Variants in SYTL3 observed in about 807,000 individuals in gnomAD.
The protein encoded by SYTL3 is synaptotagmin-like protein 3.
Under a neutral mutation model 82.1 loss-of-function variants are expected in SYTL3, and 88 were observed. The ratio of observed to expected loss-of-function variants is 1.07; its 90% CI spans 0.90 to 1.28. The LOEUF (loss-of-function observed/expected upper bound fraction) is 1.28. Ranked by LOEUF, SYTL3 falls within the 50% of genes most tolerant of loss-of-function variation. The probability of loss-of-function intolerance (pLI) is 0.00; values close to 1 mark genes in which losing one functional copy is unlikely to be tolerated. For synonymous variants in SYTL3, 311 were observed against 289.4 expected, an observed-to-expected ratio of 1.07 and a Z score of -0.76; for missense variants, 831 against 757.6, an observed-to-expected ratio of 1.10 and a Z score of -1.14.
intron 10 of SYTL3, among the ~76,000 whole-genome samples, chr6:158,722,059 C>T (rs78204406): frequency 0.021 from 3,251 of 152,286 alleles, 111 homozygotes; most frequent in African/African-American, 0.074. Flanking sequence ...TTATAGAACA[C>T]GGTGGCCCTG....
intron 5 of SYTL3, among the ~76,000 whole-genome samples, chr6:158,668,096 G>A (rs1359921516): frequency 6.6e-6 from 1 of 152,168 alleles, no homozygotes; most frequent in Non-Finnish European, 1.5e-5. Context: ...GACACAAGAT[G>A]GTTTGTCCAT....
intron 2 of SYTL3, among the ~76,000 whole-genome samples, chr6:158,656,059 T>G (rs1157843290): frequency 2.0e-5 from 3 of 152,182 alleles, no homozygotes; most frequent in Non-Finnish European, 4.4e-5. Context: ...AGGTCACGAC[T>G]GGGATGCCTG....
chr6:158,683,119 A>C (rs913815141), intron 6 of SYTL3, 130 bp downstream of exon 6: 1 of 625,118 alleles, frequency 1.6e-6, no homozygotes, highest in African/African-American at 1.9e-5. Flanking sequence ...TTGCCATTCC[A>C]TTTGCTGATG....
At chr6:158,754,785 A>G (rs1788856363) in intron 13 of SYTL3, among the ~76,000 whole-genome samples, 1 of 152,230 alleles carries the variant, frequency 6.6e-6, no homozygotes, top group Non-Finnish European at 1.5e-5. Context: ...CTATTGACAG[A>G]AAGGGGCGAG....
intron 13 of SYTL3, among the ~76,000 whole-genome samples, chr6:158,752,687 G>T (rs542216192): frequency 7.9e-5 from 12 of 152,332 alleles, no homozygotes; most frequent in East Asian, 3.9e-4. Flanking sequence ...CAGGGTGAGG[G>T]GGGTAGCCCA....
In SYTL3 at chr6:158,707,223, C is replaced by T; in HGVS notation, c.395-7C>T. On this transcript the variant is annotated splice_region_variant and splice_polypyrimidine_tract_variant and intron_variant, in intron 6 of 17. Coordinates refer to ENST00000611299, the MANE Select transcript of SYTL3 (RefSeq NM_001242394.2). Reference sequence around the variant, plus strand: ...TAATAAACGCCCTCTATGGATATCTCTCGCAGGCAAACATGAGACAGTTGG... The same window carrying T: ...TAATAAACGCCCTCTATGGATATCTTTCGCAGGCAAACATGAGACAGTTGG... The T allele has an allele frequency of 6.2e-7, 1 of 1,613,756 alleles. No homozygotes were observed. The highest frequency in any genetic ancestry group is 1.7e-4 in the Middle Eastern group (1 of 5,980).
In SYTL3 at chr6:158,682,959, G is replaced by A. The variant is rs751624549; in HGVS notation, c.364G>A (p.Glu122Lys). 1 of 1,613,554 alleles carries A rather than the reference G, an allele frequency of 6.2e-7. No individual in the cohort carries two copies. Among genetic ancestry groups the A allele is most frequent in the Non-Finnish European group, 8.5e-7 (1 of 1,179,562 alleles). The change falls in exon 6 of 18, where the codon GAG (glutamate) becomes AAG (lysine). Residue 122 changes from glutamate to lysine, a missense_variant. By Grantham distance (56) the Glu-to-Lys change is moderately conservative. Coordinates refer to ENST00000611299, the MANE Select transcript of SYTL3 (RefSeq NM_001242394.2). ...AATAAAAACTGGAGAATGGTTCTAT[G>A]AGGAACGAGCCAAGAAATTTCCAAC... ...VKIKTGEWFY[E>K]ERAKKFPTGG...
chr6:158,666,964 T>C (rs951435408), intron 5 of SYTL3, among the ~76,000 whole-genome samples: 2 of 152,264 alleles, frequency 1.3e-5, no homozygotes, highest in African/African-American at 4.8e-5. Context: ...GAAGCCATTG[T>C]CCTTCAGGCT....
chr6:158,725,463 A>T, intron 10 of SYTL3, 40 bp from the exon 11 acceptor site: 1 of 1,606,756 alleles, frequency 6.2e-7, no homozygotes, highest in Non-Finnish European at 8.5e-7. Context: ...CCAAACTGGG[A>T]TGGAGACTAT....
chr6:158,706,723 C>G (rs527743710), intron 6 of SYTL3, among the ~76,000 whole-genome samples: 7 of 152,178 alleles, frequency 4.6e-5, no homozygotes, highest in Non-Finnish European at 8.8e-5. Context: ...AAAAAGAGTA[C>G]TATATCAGAT....
At position 158,677,439 on chromosome 6, in the gene SYTL3, T is replaced by C. The variant is rs531621908; in HGVS notation, c.330-5486T>C. ...CGGGGAGGGATAGCATTAGGAGATA[T>C]ACCTAATGCTAAATGACAAGTTAAT... On this transcript the variant is annotated intron_variant, in intron 5 of 17. Coordinates refer to ENST00000611299, the MANE Select transcript of SYTL3 (RefSeq NM_001242394.2). 3.3e-5 allele frequency among the ~76,000 whole-genome samples: 5 copies of C among 152,118 alleles called. No individual in the cohort carries two copies. In the South Asian group the frequency reaches 1.0e-3, roughly 32 times the overall value.
chr6:158,763,627 T>A, intron 17 of SYTL3, 118 bp downstream of exon 17: 1 of 822,764 alleles, frequency 1.2e-6, no homozygotes, highest in Non-Finnish European at 2.0e-6. Flanking sequence ...TTGCCTAGCC[T>A]GCCTTAATTG....
chr6:158,752,094 G>C, intron 13 of SYTL3, 64 bp downstream of exon 13: 3 of 1,117,924 alleles, frequency 2.7e-6, no homozygotes, highest in Non-Finnish European at 3.8e-6. Context: ...GCCTGGGGCA[G>C]AGTCCAGTGG....
intron 2 of SYTL3, among the ~76,000 whole-genome samples, chr6:158,656,732 A>C (rs958194820): frequency 3.9e-5 from 6 of 152,064 alleles, no homozygotes; most frequent in African/African-American, 1.4e-4. Flanking sequence ...CTCAAAAAAA[A>C]AAAAATCATC....
At chr6:158,709,823 A>G (rs982001897) in intron 8 of SYTL3, among the ~76,000 whole-genome samples, 2 of 152,182 alleles carry the variant, frequency 1.3e-5, no homozygotes, top group Non-Finnish European at 2.9e-5. Flanking sequence ...TTTGAGAAAC[A>G]TGTAAAAACA....
chr6:158,705,343 T>C (rs867991682), intron 6 of SYTL3, among the ~76,000 whole-genome samples: 3,209 of 74,464 alleles, frequency 0.043, 8 homozygotes, highest in Non-Finnish European at 0.057. Context: ...CAGTGAGGGC[T>C]GTAAGGCCAC....
In SYTL3 at chr6:158,724,353, T is replaced by A. The variant is rs370906356; in HGVS notation, c.721-1150T>A. Among the ~76,000 whole-genome samples, 8 of 152,390 alleles carry A rather than the reference T, an allele frequency of 5.2e-5. 1 individual carries two copies. Among genetic ancestry groups the A allele is most frequent in the African/African-American group, 1.9e-4 (8 of 41,602 alleles). ...TTTGGAGGTAATCCTTTCTTTCATT[T>A]GTTCTATCATATTCTCACTTAGTAT... On this transcript the variant is annotated intron_variant, in intron 10 of 17. Transcript: ENST00000611299.
intron 2 of SYTL3, among the ~76,000 whole-genome samples, 183 bp from the exon 3 acceptor site, chr6:158,661,086 C>T (rs1789327416): frequency 6.6e-6 from 1 of 152,108 alleles, no homozygotes; most frequent in East Asian, 1.9e-4. Context: ...AAGAATTAGA[C>T]AAACCAGATG....
chr6:158,758,129 C>T (rs768604721), intron 14 of SYTL3, among the ~76,000 whole-genome samples: 5 of 152,162 alleles, frequency 3.3e-5, no homozygotes, highest in African/African-American at 4.8e-5. Context: ...ACGTGGGCTT[C>T]TGCCATCTCT....
Sources: gnomAD v4.1 joint callset for allele counts (sites outside exome capture counted in the v4.1 genomes callset) on GRCh38, gnomAD v4.1.1 for gene constraint, MANE v1.5 for transcripts, NCBI Gene and HGNC (gene_info 2026-07-23, HGNC 2026-07-21) for gene names.